Variants in EPB41L5 observed in about 807,000 individuals in gnomAD.
EPB41L5 encodes band 4.1-like protein 5.
A neutral mutation model predicts 106.6 loss-of-function variants in EPB41L5; 55 were observed. The ratio of observed to expected loss-of-function variants is 0.52; its 90% CI spans 0.42 to 0.65. The LOEUF is 0.65. EPB41L5 is among the 30% of genes least tolerant of loss of function. The pLI, the probability that EPB41L5 is intolerant of heterozygous loss-of-function variation, is 0.00. For synonymous variants in EPB41L5, 297 were observed against 306.7 expected, an observed-to-expected ratio of 0.97 and a Z score of 0.33; for missense variants, 871 against 882.1, an observed-to-expected ratio of 0.99 and a Z score of 0.16.
intron 2 of EPB41L5, among the ~76,000 whole-genome samples, chr2:120,021,771 G>C (rs1048124219): frequency 2.6e-5 from 4 of 152,152 alleles, no homozygotes; most frequent in Non-Finnish European, 5.9e-5. Flanking sequence ...GGAAAAAATA[G>C]TCCAGAAGAA....
intron 21 of EPB41L5, among the ~76,000 whole-genome samples, chr2:120,161,874 G>A (rs1005235892): frequency 1.3e-5 from 2 of 152,168 alleles, no homozygotes; most frequent in African/African-American, 4.8e-5. Context: ...GATGATTTGA[G>A]GTGGAACAGT....
At chr2:120,042,893 A>G (rs1016945912) in intron 3 of EPB41L5, among the ~76,000 whole-genome samples, 4 of 152,094 alleles carry the variant, frequency 2.6e-5, no homozygotes, top group East Asian at 3.9e-4. Flanking sequence ...GTTATTACAA[A>G]TACTTTAGGA....
chr2:120,133,693 C>T (rs1221648491), intron 18 of EPB41L5, among the ~76,000 whole-genome samples: 1 of 152,182 alleles, frequency 6.6e-6, no homozygotes, highest in Admixed American at 6.5e-5. Flanking sequence ...ACAAGGACTA[C>T]AATTCCTGGG....
At chr2:120,027,943 A>G (rs1280680406) in intron 2 of EPB41L5, among the ~76,000 whole-genome samples, 1 of 151,510 alleles carries the variant, frequency 6.6e-6, no homozygotes, top group Non-Finnish European at 1.5e-5. Context: ...GCTCACTGCA[A>G]CCTCCACCTC....
At chr2:120,114,129 C>G (rs1284675066) in intron 16 of EPB41L5, among the ~76,000 whole-genome samples, 1 of 152,168 alleles carries the variant, frequency 6.6e-6, no homozygotes, top group African/African-American at 2.4e-5. Flanking sequence ...TTCACCAACA[C>G]TTACTATTGC....
At position 120,114,890 on chromosome 2, in the gene EPB41L5, ATTG is replaced by A. The variant is rs560014787; in HGVS notation, c.1338-12793_1338-12791del. Among the ~76,000 whole-genome samples the A allele has an allele frequency of 7.9e-5, 12 of 152,300 alleles. No homozygotes were observed. In the South Asian group the frequency reaches 2.3e-3, roughly 29 times the overall value. ...TTTCTGCTCATAAAGTGAAAGAACTATTGTTGTCTATCTCTAAACTTCTGATTT... is the reference window on the plus strand; with the variant it reads ...TTTCTGCTCATAAAGTGAAAGAACTATTGTCTATCTCTAAACTTCTGATTT... On this transcript the variant is annotated intron_variant, in intron 16 of 24. Transcript: ENST00000263713.
chr2:120,127,860 A>G lies in EPB41L5; in HGVS notation c.1501+9A>G. 6.3e-7 allele frequency: 1 copy of G among 1,591,970 alleles called. No individual in the cohort carries two copies. On this transcript the variant is annotated intron_variant, in intron 17 of 24. Coordinates refer to ENST00000263713, the MANE Select transcript of EPB41L5 (RefSeq NM_020909.4). ...TGAAGTTGAATATGAGAGTAAGTAA[A>G]TGTTCCATTATACATCAGTGATACC...
chr2:120,152,180 A>G (rs1387774608), intron 20 of EPB41L5, among the ~76,000 whole-genome samples: 1 of 152,118 alleles, frequency 6.6e-6, no homozygotes, highest in East Asian at 1.9e-4. Context: ...GCCCTTTACC[A>G]TACTGTGGAA....
intron 16 of EPB41L5, among the ~76,000 whole-genome samples, chr2:120,121,758 A>G (rs1212906601): frequency 6.6e-6 from 1 of 152,152 alleles, no homozygotes; most frequent in Non-Finnish European, 1.5e-5. Flanking sequence ...TCTTTGAGGA[A>G]TCGCCACAAT....
intron 1 of EPB41L5, among the ~76,000 whole-genome samples, chr2:120,015,112 A>G (rs1192180089): frequency 1.3e-5 from 2 of 150,890 alleles, no homozygotes; most frequent in African/African-American, 4.9e-5. Context: ...TCACGAGGTC[A>G]GGAGATGGAG....
intron 3 of EPB41L5, among the ~76,000 whole-genome samples, chr2:120,048,609 A>G (rs1035614748): frequency 6.6e-6 from 1 of 151,778 alleles, no homozygotes; most frequent in African/African-American, 2.4e-5. Context: ...CAGCTCCTGC[A>G]TTGATTGATT....
chr2:120,098,509 C>T (rs566607037), intron 14 of EPB41L5, among the ~76,000 whole-genome samples: 2 of 152,176 alleles, frequency 1.3e-5, no homozygotes, highest in African/African-American at 4.8e-5. Flanking sequence ...CACCATGCCT[C>T]ACCAATAGTA....
At chr2:120,069,806 A>C (rs1231303104) in intron 3 of EPB41L5, among the ~76,000 whole-genome samples, 1 of 152,210 alleles carries the variant, frequency 6.6e-6, no homozygotes, top group East Asian at 1.9e-4. Flanking sequence ...TCTCTGGGAC[A>C]CAGCTAAGCA....
At chr2:120,131,904 A>G (rs1685711276) in intron 18 of EPB41L5, among the ~76,000 whole-genome samples, 189 bp downstream of exon 18, 2 of 152,102 alleles carry the variant, frequency 1.3e-5, no homozygotes, top group African/African-American at 4.8e-5. Flanking sequence ...GGAAACTTGC[A>G]CAGCAAAGTG....
intron 17 of EPB41L5, among the ~76,000 whole-genome samples, chr2:120,130,177 AGTG>A (rs1465208711): frequency 3.3e-5 from 5 of 150,380 alleles, no homozygotes; most frequent in African/African-American, 4.9e-5. Context: ...CCTAAGAGTT[AGTG>A]AGCACCTCAT....
chr2:120,074,308 T>C (rs1335413401), intron 5 of EPB41L5, 130 bp downstream of exon 5: 2 of 615,624 alleles, frequency 3.2e-6, no homozygotes, highest in Non-Finnish European at 5.6e-6. Context: ...CCTCAAATAA[T>C]AGAATTTTAT....
chr2:120,096,418 A>G (rs762499065), intron 14 of EPB41L5, among the ~76,000 whole-genome samples: 16 of 152,326 alleles, frequency 1.1e-4, no homozygotes, highest in Admixed American at 3.3e-4. Context: ...ATTAGGTAAA[A>G]AAACAACATT....
chr2:120,131,451 A>G (rs1371207238), intron 17 of EPB41L5, among the ~76,000 whole-genome samples, 167 bp from the exon 18 acceptor site: 1 of 152,196 alleles, frequency 6.6e-6, no homozygotes, highest in Admixed American at 6.5e-5. Context: ...TAATGGACAG[A>G]TAGCTGGTTA....
At chr2:120,162,622 G>T (rs1687184001) in intron 21 of EPB41L5, among the ~76,000 whole-genome samples, 1 of 152,178 alleles carries the variant, frequency 6.6e-6, no homozygotes, top group Admixed American at 6.5e-5. Flanking sequence ...TCATTAAGCA[G>T]AACCTGAGAT....
Sources: allele counts gnomAD v4.1 joint callset (sites outside exome capture counted in the v4.1 genomes callset), GRCh38; gene constraint gnomAD v4.1.1; transcripts MANE v1.5; gene names NCBI Gene and HGNC (gene_info 2026-07-23, HGNC 2026-07-21).